HSPB8: variants seen among roughly 807,000 people sequenced by gnomAD.
HSPB8 encodes heat shock protein beta-8.
In HSPB8, 9 loss-of-function variants were observed where a neutral mutation model predicts 16.5. The ratio of observed to expected loss-of-function variants is 0.55; its 90% CI spans 0.33 to 0.95. The LOEUF (loss-of-function observed/expected upper bound fraction) is 0.95. Among genes scored for constraint, HSPB8 ranks in the 40% least tolerant of loss-of-function variants. HSPB8 has a pLI of 0.03. For missense variants in HSPB8, 238 were observed against 251.2 expected, an observed-to-expected ratio of 0.95 and a Z score of 0.35; for synonymous variants, 99 against 94.8, an observed-to-expected ratio of 1.04 and a Z score of -0.26.
At chr12:119,181,294 A>G (rs1183962456) in intron 1 of HSPB8, among the ~76,000 whole-genome samples, 2 of 152,228 alleles carry the variant, frequency 1.3e-5, no homozygotes, top group Admixed American at 1.3e-4. Context: ...TTAGAGAGAC[A>G]TGAGACATCA....
chr12:119,180,048 T>A (rs1034758067), intron 1 of HSPB8, among the ~76,000 whole-genome samples: 2 of 152,206 alleles, frequency 1.3e-5, no homozygotes, highest in Non-Finnish European at 2.9e-5. Context: ...TCCAGCATCA[T>A]AACAGAGTCT....
chr12:119,193,800 G>C lies in HSPB8; in HGVS notation c.533G>C (p.Gly178Ala). 6.2e-7 allele frequency: 1 copy of C among 1,614,132 alleles called. No homozygotes were observed. The highest frequency in any genetic ancestry group is 8.5e-7 in the Non-Finnish European group (1 of 1,180,024). ...APQVPPYSTFGESSFNNELPQ... is the reference protein window; with the variant it reads ...APQVPPYSTFAESSFNNELPQ... ...CAGGTCCCTCCTTACTCAACATTTG[G>C]AGAGAGCAGTTTCAACAACGAGCTT... Residue 178 changes from glycine (G) to alanine (A), a missense_variant, in exon 3 of 3, where the codon GGA (glycine) becomes GCA (alanine). By Grantham distance (60) the Gly-to-Ala change is moderately conservative. Coordinates refer to ENST00000281938, the MANE Select transcript of HSPB8 (RefSeq NM_014365.3).
intron 1 of HSPB8, chr12:119,183,025 A>T (rs1954649358): frequency 6.6e-6 from 1 of 152,314 alleles, no homozygotes; most frequent in African/African-American, 2.4e-5. Flanking sequence ...TGTTGGTCTT[A>T]TGAAGAGGTA....
chr12:119,186,042 G>A lies in HSPB8; in HGVS notation c.368-983G>A, dbSNP rs1360399102. On this transcript the variant is annotated intron_variant, in intron 1 of 2. Coordinates refer to ENST00000281938, the MANE Select transcript of HSPB8 (RefSeq NM_014365.3). ...ATGGCCCCACTGTTGTACTAATCTT[G>A]TTTGTTTAAAGAGAAACTACAGACA... is the stretch of plus-strand genomic sequence containing the variant. Among the ~76,000 whole-genome samples, 9 of 152,202 alleles carry A rather than the reference G, an allele frequency of 5.9e-5. No homozygotes were observed. The East Asian group carries it at 1.7e-3, about 29-fold the overall frequency.
In HSPB8 at chr12:119,179,461, A is replaced by T. The variant is rs374254847; in HGVS notation, c.149A>T (p.Asp50Val). ...FPDDLTASWP[D>V]WALPRLSSAW... is the part of the protein sequence containing the mutation. The stretch of plus-strand genomic sequence containing the variant: ...GACGACTTGACAGCCTCTTGGCCCG[A>T]CTGGGCTCTGCCTCGTCTCTCCTCC... Residue 50 changes from aspartate to valine, a missense_variant, in exon 1 of 3, where the codon GAC becomes GTC. By Grantham distance (152) the Asp-to-Val change is radical. Coordinates refer to ENST00000281938, the MANE Select transcript of HSPB8 (RefSeq NM_014365.3). 40 of 1,613,806 alleles carry T rather than the reference A, an allele frequency of 2.5e-5. No individual in the cohort carries two copies. Among genetic ancestry groups the T allele is most frequent in the Non-Finnish European group, 3.2e-5 (38 of 1,179,972 alleles).
intron 1 of HSPB8, among the ~76,000 whole-genome samples, chr12:119,186,069 T>TC (rs1954674135): frequency 6.6e-6 from 1 of 150,654 alleles, no homozygotes; most frequent in Non-Finnish European, 1.5e-5. Flanking sequence ...CTACAGACAC[T>TC]CTCTCTATTA....
At chr12:119,186,034 C>T (rs924696098) in intron 1 of HSPB8, among the ~76,000 whole-genome samples, 2 of 152,074 alleles carry the variant, frequency 1.3e-5, no homozygotes, top group African/African-American at 2.4e-5. Context: ...CACTGTTGTA[C>T]TAATCTTGTT....
At chr12:119,180,929 G>A (rs556079050) in intron 1 of HSPB8, among the ~76,000 whole-genome samples, 2 of 152,180 alleles carry the variant, frequency 1.3e-5, no homozygotes, top group Non-Finnish European at 2.9e-5. Flanking sequence ...CTGGGGCCAC[G>A]TGCTGATGAC....
At chr12:119,187,384 TCA>T (rs1444543844) in intron 2 of HSPB8, among the ~76,000 whole-genome samples, 2 of 152,150 alleles carry the variant, frequency 1.3e-5, no homozygotes, top group African/African-American at 4.8e-5. Flanking sequence ...AGACCGAGTC[TCA>T]CTCTGTCACC....
chr12:119,191,129 A>G (rs544136214), intron 2 of HSPB8, among the ~76,000 whole-genome samples: 1 of 152,282 alleles, frequency 6.6e-6, no homozygotes, highest in African/African-American at 2.4e-5. Context: ...AGATGCCAAC[A>G]TGTAAGGTCA....
At chr12:119,186,622 C>T (rs1954677630) in intron 1 of HSPB8, among the ~76,000 whole-genome samples, 1 of 152,166 alleles carries the variant, frequency 6.6e-6, no homozygotes, top group Non-Finnish European at 1.5e-5. Context: ...CGCTTCAAGC[C>T]TGCCATCCAG....
At chr12:119,183,103 T>C (rs1173532716) in intron 1 of HSPB8, 1 of 152,054 alleles carries the variant, frequency 6.6e-6, no homozygotes, top group African/African-American at 2.4e-5. Context: ...AGCAGGAGAG[T>C]TCAAGGTCTT....
intron 1 of HSPB8, among the ~76,000 whole-genome samples, chr12:119,186,119 G>A (rs1954674377): frequency 6.6e-6 from 1 of 152,212 alleles, no homozygotes; most frequent in Admixed American, 6.5e-5. Flanking sequence ...GAATTAGAAT[G>A]TGCTATATAC....
chr12:119,187,479 T>C (rs540696229), intron 2 of HSPB8, among the ~76,000 whole-genome samples: 4 of 152,224 alleles, frequency 2.6e-5, no homozygotes, highest in Admixed American at 2.6e-4. Context: ...CTCAGCCTCC[T>C]GAGTAGTTGG....
intron 2 of HSPB8, 72 bp downstream of exon 2, chr12:119,187,160 G>A (rs1457031228): frequency 8.1e-7 from 1 of 1,233,944 alleles, no homozygotes; most frequent in Non-Finnish European, 1.2e-6. Flanking sequence ...CATGATCTGG[G>A]GTCTCTCCCT....
At chr12:119,187,182 C>A in intron 2 of HSPB8, 94 bp downstream of exon 2, 1 of 985,026 alleles carries the variant, frequency 1.0e-6, no homozygotes, top group South Asian at 1.3e-5. Context: ...TTGGGCATCT[C>A]TCTTTTAAGA....
chr12:119,179,708 T>C (rs1367772956), intron 1 of HSPB8, 29 bp downstream of exon 1: 2 of 1,548,654 alleles, frequency 1.3e-6, no homozygotes, highest in African/African-American at 1.4e-5. Context: ...GGAGAGAGAA[T>C]GGGGAGGCCG....
At chr12:119,190,076 A>G (rs930910342) in intron 2 of HSPB8, among the ~76,000 whole-genome samples, 30 of 152,186 alleles carry the variant, frequency 2.0e-4, no homozygotes, top group African/African-American at 6.8e-4. Flanking sequence ...ACATCCCTGC[A>G]TGGAGGGGTT....
rs1002861107 is a variant in HSPB8 at position 119,178,947 on chromosome 12, C to T, written c.-366C>T. 2 of 340,014 alleles carry T rather than the reference C, an allele frequency of 5.9e-6. No individual in the cohort carries two copies. The highest frequency in any genetic ancestry group is 3.0e-5 in the South Asian group (1 of 32,864). The allele number at this position is 340,014 out of a possible 1,614,324, so 21.1% of individuals were successfully genotyped here. On this transcript the variant is annotated 5_prime_UTR_variant, in exon 1 of 3. Transcript: ENST00000281938. The stretch of plus-strand genomic sequence containing the variant: ...GAAGGAGCCAGAAGAAGTTTCTAGG[C>T]GCGCGTGCCCTGGGTTTATTAAGCT...
Sources: allele counts gnomAD v4.1 joint callset (sites outside exome capture counted in the v4.1 genomes callset), GRCh38; gene constraint gnomAD v4.1.1; transcripts MANE v1.5; gene names NCBI Gene and HGNC (gene_info 2026-07-23, HGNC 2026-07-21).